Variants in RALGAPB observed in about 807,000 individuals in gnomAD.
The protein encoded by RALGAPB is ral GTPase-activating protein subunit beta.
RALGAPB carries 25 observed loss-of-function variants against 161.1 expected under a neutral mutation model. That is an observed-to-expected ratio of 0.16 (90% CI 0.11 to 0.22). RALGAPB has a LOEUF of 0.22. Ranked by LOEUF, RALGAPB falls within the 10% of genes least tolerant of loss-of-function variation. The probability of loss-of-function intolerance (pLI) is 1.00; values close to 1 mark genes in which losing one functional copy is unlikely to be tolerated. For synonymous variants in RALGAPB, 629 were observed against 626.1 expected (o/e 1.00, Z -0.07); for missense variants, 1,391 against 1,815.2 (o/e 0.77, Z 4.25).
chr20:38,568,324 A>G (rs1395299939), intron 26 of RALGAPB: 1 of 152,210 alleles, frequency 6.6e-6, no homozygotes, highest in African/African-American at 2.4e-5. Context: ...GCAGTTGACA[A>G]AAATTCAGTA....
intron 16 of RALGAPB, chr20:38,537,937 G>C (rs1034832060): frequency 2.6e-5 from 4 of 152,354 alleles, no homozygotes; most frequent in Non-Finnish European, 5.9e-5. Flanking sequence ...TTGGTGAAAA[G>C]AACCACCGGA....
At position 38,553,899 on chromosome 20, in the gene RALGAPB, C is replaced by T; in HGVS notation, c.3195C>T (p.Gly1065=). ...LEERHEKLRS[G]MAQQIAYEIH... is the part of the protein sequence containing the mutation. ...AGAGACACGAAAAATTAAGGAGTGG[C>T]ATGGCCCAGCAGATTGCTTATGAAA... The change falls in exon 22 of 30, where the codon GGC becomes GGT. Residue 1065 remains glycine, a synonymous_variant. Coordinates refer to ENST00000262879, the MANE Select transcript of RALGAPB (RefSeq NM_020336.4). 3.7e-6 allele frequency: 6 copies of T among 1,611,916 alleles called. No homozygotes were observed. The South Asian group carries it at 6.6e-5, about 18-fold the overall frequency.
chr20:38,570,726 A>C, intron 27 of RALGAPB, 43 bp from the exon 28 acceptor site: 1 of 1,268,058 alleles, frequency 7.9e-7, no homozygotes, highest in Non-Finnish European at 1.1e-6. Context: ...CTGTTTGGGA[A>C]AATGAGGGAG....
rs527255550 is a variant in RALGAPB, at chr20:38,545,148, TA to T, written c.2715-1090del. Among the ~76,000 whole-genome samples, 11 of 152,318 alleles carry T rather than the reference TA, an allele frequency of 7.2e-5. No individual in the cohort carries two copies. The East Asian group carries it at 2.1e-3, about 29-fold the overall frequency. The stretch of plus-strand genomic sequence containing the variant: ...ATCCTGTGTGTTCTAAATACCTTGA[TA>T]AAAATATTGAACAGATAGACTCGCA... On this transcript the variant is annotated intron_variant, in intron 18 of 29. Coordinates refer to ENST00000262879, the MANE Select transcript of RALGAPB (RefSeq NM_020336.4).
rs2087766178 is a variant in RALGAPB, at chr20:38,561,002, A to G, written c.3532-1530A>G. Among the ~76,000 whole-genome samples the G allele has an allele frequency of 3.3e-5, 5 of 152,364 alleles. No individual in the cohort carries two copies. The South Asian group carries it at 1.0e-3, about 32-fold the overall frequency. Reference sequence around the variant, plus strand: ...GGCGTCCATAAGAATGTGAAGGGATATGGGTAAACTAAATAGGTTCACTTC... The same window carrying G: ...GGCGTCCATAAGAATGTGAAGGGATGTGGGTAAACTAAATAGGTTCACTTC... On this transcript the variant is annotated intron_variant, in intron 23 of 29. Transcript: ENST00000262879.
At chr20:38,507,705 C>T (rs940681175) in intron 5 of RALGAPB, among the ~76,000 whole-genome samples, 1 of 147,188 alleles carries the variant, frequency 6.8e-6, no homozygotes, top group African/African-American at 2.5e-5. Flanking sequence ...TTTTGTTTTT[C>T]TTTTTTTTTT....
At chr20:38,513,699 G>A (rs1174449623) in intron 6 of RALGAPB, among the ~76,000 whole-genome samples, 3 of 151,354 alleles carry the variant, frequency 2.0e-5, no homozygotes, top group African/African-American at 7.3e-5. Flanking sequence ...GTACCGAATT[G>A]TTTCGAATAA....
At chr20:38,491,789 C>G (rs141372811) in intron 2 of RALGAPB, among the ~76,000 whole-genome samples, 13 of 152,290 alleles carry the variant, frequency 8.5e-5, no homozygotes, top group Admixed American at 3.3e-4. Context: ...TTGTAAACTG[C>G]AAGGACTACA....
At chr20:38,566,181 C>T (rs145866884) in intron 25 of RALGAPB, among the ~76,000 whole-genome samples, 8 of 152,260 alleles carry the variant, frequency 5.3e-5, no homozygotes, top group African/African-American at 1.9e-4. Flanking sequence ...TGTGCCCTAC[C>T]TTGGTAGCTG....
intron 26 of RALGAPB, chr20:38,569,658 T>C (rs531918977): frequency 8.5e-5 from 41 of 480,404 alleles, no homozygotes; most frequent in African/African-American, 7.3e-4. Context: ...CAGTATTCCT[T>C]CCTTTTTTTT....
At chr20:38,525,171 G>A (rs1352259098) in intron 11 of RALGAPB, among the ~76,000 whole-genome samples, 2 of 152,032 alleles carry the variant, frequency 1.3e-5, no homozygotes, top group African/African-American at 4.8e-5. Context: ...GGTCTAGAAG[G>A]GTAAGAACAA....
intron 26 of RALGAPB, chr20:38,569,676 C>A: frequency 4.4e-6 from 2 of 455,018 alleles, no homozygotes; most frequent in South Asian, 4.6e-5. Context: ...TTTTCTTTGA[C>A]AATTTTAAGC....
At chr20:38,572,121 C>T (rs1286096031) in intron 28 of RALGAPB, among the ~76,000 whole-genome samples, 1 of 152,014 alleles carries the variant, frequency 6.6e-6, no homozygotes, top group African/African-American at 2.4e-5. Context: ...TTAAATTGGC[C>T]AAAACAGTGT....
chr20:38,487,989 C>T (rs1380562444), intron 1 of RALGAPB, among the ~76,000 whole-genome samples: 3 of 152,058 alleles, frequency 2.0e-5, no homozygotes, highest in African/African-American at 7.2e-5. Context: ...TTGCTTGAAT[C>T]GCGGAGGTTG....
At chr20:38,537,900 C>A (rs2086855692) in intron 16 of RALGAPB, 1 of 152,196 alleles carries the variant, frequency 6.6e-6, no homozygotes, top group East Asian at 1.9e-4. Flanking sequence ...GAAATCACTA[C>A]CTTAGCCTCC....
In RALGAPB at chr20:38,524,979, T is replaced by C. The variant is rs758807490; in HGVS notation, c.1787+34T>C. On this transcript the variant is annotated intron_variant, in intron 11 of 29. Transcript: ENST00000262879. ...TCATTCTCTGCTATTATATCAACTG[T>C]CTGATTTGGCCTGGTCTGTTGGTGC... 3.2e-6 allele frequency: 5 copies of C among 1,568,816 alleles called. No homozygotes were observed. The Admixed American group carries it at 6.7e-5, about 21-fold the overall frequency.
chr20:38,519,378 T>A (rs187728706), intron 9 of RALGAPB, among the ~76,000 whole-genome samples: 212 of 152,308 alleles, frequency 1.4e-3, no homozygotes, highest in Middle Eastern at 6.8e-3. Context: ...CTAGAATGAA[T>A]CAGTCCTATT....
chr20:38,486,981 C>G (rs1478655646), intron 1 of RALGAPB, among the ~76,000 whole-genome samples: 3 of 152,182 alleles, frequency 2.0e-5, no homozygotes, highest in Non-Finnish European at 4.4e-5. Context: ...ATCCGTACAC[C>G]ACTAATGAAT....
At chr20:38,479,948 G>A (rs1233223227) in intron 1 of RALGAPB, among the ~76,000 whole-genome samples, 2 of 151,242 alleles carry the variant, frequency 1.3e-5, no homozygotes, top group South Asian at 2.1e-4. Context: ...TTTAGTTCCC[G>A]ATGTGTCATG....
Sources: allele counts gnomAD v4.1 joint callset (sites outside exome capture counted in the v4.1 genomes callset), GRCh38; gene constraint gnomAD v4.1.1; transcripts MANE v1.5; gene names NCBI Gene and HGNC (gene_info 2026-07-23, HGNC 2026-07-21).